The following LINGO2 variants were observed in gnomAD, a reference collection of about 807,000 sequenced individuals.
LINGO2 encodes the protein leucine rich repeat and Ig domain containing 2.
LINGO2 carries 14 observed loss-of-function variants against 30.6 expected under a neutral mutation model. That is an observed-to-expected ratio of 0.46 (90% CI 0.30 to 0.72). LINGO2 has a LOEUF of 0.72. Among genes scored for constraint, LINGO2 ranks in the 30% least tolerant of loss-of-function variants. The probability of loss-of-function intolerance (pLI) is 0.07; values close to 1 mark genes in which losing one functional copy is unlikely to be tolerated. For missense variants in LINGO2, 729 were observed against 751.7 expected (o/e 0.97, Z 0.35); for synonymous variants, 317 against 288.5 (o/e 1.10, Z -1.00).
chr9:28,755,528 T>C, the LINGO2 span, among the ~76,000 whole-genome samples: 23 of 152,244 alleles, frequency 1.5e-4, no homozygotes, highest in African/African-American at 5.3e-4. Flanking sequence ...TTTGTATAAG[T>C]TGGCTGCTCC....
chr9:28,351,121 C>A (rs987263302), intron 3 of LINGO2, among the ~76,000 whole-genome samples: 29 of 151,366 alleles, frequency 1.9e-4, no homozygotes, highest in African/African-American at 6.1e-4. Context: ...CATTCAAAAG[C>A]TAGCAGAAGG....
At chr9:28,962,262 GT>G in the LINGO2 span, among the ~76,000 whole-genome samples, 1 of 152,026 alleles carries the variant, frequency 6.6e-6, no homozygotes, top group East Asian at 1.9e-4. Context: ...ACCTTAGGAA[GT>G]TGGTACCACT....
At chr9:28,500,332 CA>C (rs1678412959) in intron 1 of LINGO2, among the ~76,000 whole-genome samples, 1 of 152,100 alleles carries the variant, frequency 6.6e-6, no homozygotes. Flanking sequence ...TCTTTGTAAT[CA>C]GAAGCTGTAT....
the LINGO2 span, among the ~76,000 whole-genome samples, chr9:29,120,084 T>C: frequency 6.6e-6 from 1 of 152,064 alleles, no homozygotes; most frequent in Non-Finnish European, 1.5e-5. Context: ...GAATTTGTCA[T>C]AGGTAGAAAA....
chr9:28,720,857 T>C, the LINGO2 span, among the ~76,000 whole-genome samples: 12 of 152,000 alleles, frequency 7.9e-5, no homozygotes, highest in African/African-American at 2.7e-4. Context: ...ATAATCTGTC[T>C]TCATTTTATG....
At chr9:29,010,849 T>A in the LINGO2 span, among the ~76,000 whole-genome samples, 1 of 140,404 alleles carries the variant, frequency 7.1e-6, no homozygotes, top group Non-Finnish European at 1.6e-5. Context: ...GCCACTGCAC[T>A]CCAGCCTGGG....
chr9:28,466,282 C>T (rs1010335931), intron 2 of LINGO2, among the ~76,000 whole-genome samples: 9 of 152,050 alleles, frequency 5.9e-5, no homozygotes, highest in Admixed American at 2.0e-4. Context: ...ACTATTCAGC[C>T]ATAAAAAAGA....
the LINGO2 span, among the ~76,000 whole-genome samples, chr9:28,698,354 A>C: frequency 6.6e-6 from 1 of 152,094 alleles, no homozygotes; most frequent in African/African-American, 2.4e-5. Context: ...ATTCAAAAAA[A>C]TTATCATATC....
intron 2 of LINGO2, among the ~76,000 whole-genome samples, chr9:28,468,790 A>G (rs889684069): frequency 6.6e-6 from 1 of 152,226 alleles, no homozygotes; most frequent in African/African-American, 2.4e-5. Context: ...TTATGTGTTC[A>G]TATTACATTG....
At chr9:29,140,393 G>C in the LINGO2 span, among the ~76,000 whole-genome samples, 1 of 151,644 alleles carries the variant, frequency 6.6e-6, no homozygotes, top group African/African-American at 2.4e-5. Context: ...TAAAATACCT[G>C]AATTTAAAAG....
chr9:28,868,557 A>G, the LINGO2 span, among the ~76,000 whole-genome samples: 1 of 152,142 alleles, frequency 6.6e-6, no homozygotes, highest in Admixed American at 6.6e-5. Flanking sequence ...TGTCCACATA[A>G]TAGTCCAGTG....
intron 4 of LINGO2, among the ~76,000 whole-genome samples, chr9:28,151,641 T>G (rs1304979737): frequency 6.6e-6 from 1 of 151,786 alleles, no homozygotes; most frequent in Non-Finnish European, 1.5e-5. Flanking sequence ...ATTGTAATCA[T>G]TTGAAGTTGA....
chr9:28,918,005 A>C, the LINGO2 span, among the ~76,000 whole-genome samples: 5 of 152,238 alleles, frequency 3.3e-5, no homozygotes, highest in African/African-American at 1.2e-4. Context: ...TCTCACTAAC[A>C]GATCCCTAAG....
the LINGO2 span, among the ~76,000 whole-genome samples, chr9:28,683,093 T>C: frequency 2.1e-4 from 32 of 152,206 alleles, no homozygotes; most frequent in African/African-American, 7.2e-4. Flanking sequence ...CTATAGCCTA[T>C]TTTTGGTATT....
intron 5 of LINGO2, among the ~76,000 whole-genome samples, chr9:27,972,130 G>A (rs1214633569): frequency 6.6e-6 from 1 of 152,180 alleles, no homozygotes; most frequent in East Asian, 1.9e-4. Flanking sequence ...AGAAAGGAAT[G>A]AAAGGTACTT....
At chr9:28,032,576 A>T (rs528400235) in intron 4 of LINGO2, among the ~76,000 whole-genome samples, 1 of 152,216 alleles carries the variant, frequency 6.6e-6, no homozygotes, top group Non-Finnish European at 1.5e-5. Context: ...AAGCAGCTTG[A>T]CAAAGGAGGC....
chr9:28,548,300 T>C (rs533341427), intron 1 of LINGO2, among the ~76,000 whole-genome samples: 16 of 152,234 alleles, frequency 1.1e-4, no homozygotes, highest in Admixed American at 2.0e-4. Context: ...GATATTCCCA[T>C]AGTAGACAAG....
intron 4 of LINGO2, among the ~76,000 whole-genome samples, chr9:28,053,436 A>AT (rs1824770293): frequency 6.6e-6 from 1 of 152,118 alleles, no homozygotes; most frequent in Non-Finnish European, 1.5e-5. Context: ...AGAACTCTTA[A>AT]TTGTATACGA....
intron 1 of LINGO2, among the ~76,000 whole-genome samples, chr9:28,531,048 A>T (rs1046506220): frequency 6.1e-5 from 9 of 146,454 alleles, no homozygotes; most frequent in African/African-American, 9.9e-5. Context: ...TATAAAAATA[A>T]ATATATATAT....
Sources: gnomAD v4.1 joint callset for allele counts (sites outside exome capture counted in the v4.1 genomes callset) on GRCh38, gnomAD v4.1.1 for gene constraint, MANE v1.5 for transcripts, NCBI Gene and HGNC (gene_info 2026-07-23, HGNC 2026-07-21) for gene names.